Variants in WDPCP observed in about 807,000 individuals in gnomAD.
The protein encoded by WDPCP is WD repeat containing planar cell polarity effector, also known as WD repeat-containing and planar cell polarity effector protein fritz homolog.
WDPCP carries 71 observed loss-of-function variants against 93.1 expected under a neutral mutation model. The observed-to-expected ratio is 0.76, with a 90% CI of 0.63 to 0.93. The LOEUF (loss-of-function observed/expected upper bound fraction) is 0.93. Ranked by LOEUF, WDPCP falls within the 40% of genes least tolerant of loss-of-function variation. WDPCP has a pLI of 0.00. For missense variants in WDPCP, 844 were observed against 887.4 expected, an observed-to-expected ratio of 0.95 and a Z score of 0.62; for synonymous variants, 315 against 315.0, an observed-to-expected ratio of 1.00 and a Z score of 0.00.
chr2:63,460,703 T>G (rs1444693564), intron 6 of WDPCP, among the ~76,000 whole-genome samples: 1 of 152,122 alleles, frequency 6.6e-6, no homozygotes, highest in Non-Finnish European at 1.5e-5. Flanking sequence ...CTCGGCTCAC[T>G]GCAAGCTCCG....
chr2:63,692,705 T>C lies in WDPCP; in HGVS notation n.309-41867A>G, dbSNP rs188862915. Among the ~76,000 whole-genome samples the C allele has an allele frequency of 1.4e-4, 21 of 152,362 alleles. No individual in the cohort carries two copies. The East Asian group carries it at 2.7e-3, about 20-fold the overall frequency. Reference sequence around the variant, plus strand: ...TTTAAGAAGTACAAATTAAGTAATATAGAATATAAGCTTCATTCTGAAAAA... The same window carrying C: ...TTTAAGAAGTACAAATTAAGTAATACAGAATATAAGCTTCATTCTGAAAAA... On this transcript the variant is annotated intron_variant and non_coding_transcript_variant, in intron 2 of 4. Transcript: ENST00000467687.
intron 14 of WDPCP, among the ~76,000 whole-genome samples, chr2:63,207,755 C>A (rs1056309305): frequency 6.6e-6 from 1 of 152,076 alleles, no homozygotes; most frequent in Non-Finnish European, 1.5e-5. Flanking sequence ...TCTTTCATTA[C>A]TACTATAAAG....
intron 14 of WDPCP, among the ~76,000 whole-genome samples, chr2:63,251,552 CATG>C (rs907163802): frequency 1.4e-5 from 2 of 138,294 alleles, no homozygotes; most frequent in African/African-American, 5.6e-5. Flanking sequence ...AGTGCAGTGG[CATG>C]ATCTCGGCTC....
intron 2 of WDPCP, among the ~76,000 whole-genome samples, chr2:63,796,058 C>G (rs1169209268): frequency 1.3e-5 from 2 of 152,146 alleles, no homozygotes; most frequent in Non-Finnish European, 2.9e-5. Flanking sequence ...GAGAAGGCTG[C>G]TAGAAGATTT....
At chr2:63,152,356 T>G (rs1671944553) in intron 17 of WDPCP, among the ~76,000 whole-genome samples, 2 of 151,438 alleles carry the variant, frequency 1.3e-5, no homozygotes, top group African/African-American at 4.9e-5. Context: ...CTCACTGCAA[T>G]TTCTTCCTCC....
chr2:63,711,573 A>G (rs929592734), intron 2 of WDPCP: 5 of 152,456 alleles, frequency 3.3e-5, no homozygotes, highest in Non-Finnish European at 7.3e-5. Context: ...CCTGGACAAC[A>G]TAGTGAGACC....
At chr2:63,485,155 A>G (rs547104008) in intron 4 of WDPCP, among the ~76,000 whole-genome samples, 168 bp from the exon 5 acceptor site, 1 of 152,056 alleles carries the variant, frequency 6.6e-6, no homozygotes, top group African/African-American at 2.4e-5. Flanking sequence ...TGTCATAGGA[A>G]CAGGATTTTT....
At chr2:63,148,573 T>G (rs1022324568) in intron 17 of WDPCP, among the ~76,000 whole-genome samples, 3 of 151,882 alleles carry the variant, frequency 2.0e-5, no homozygotes, top group Non-Finnish European at 2.9e-5. Context: ...AGGCTGGTCT[T>G]GAATTTCTGG....
intron 12 of WDPCP, among the ~76,000 whole-genome samples, chr2:63,330,162 T>C (rs1246404981): frequency 6.6e-6 from 1 of 152,192 alleles, no homozygotes; most frequent in Non-Finnish European, 1.5e-5. Flanking sequence ...GAGAAACCTT[T>C]ATACTGTTTT....
intron 12 of WDPCP, among the ~76,000 whole-genome samples, chr2:63,356,745 T>A (rs1189478538): frequency 6.6e-6 from 1 of 152,146 alleles, no homozygotes; most frequent in Non-Finnish European, 1.5e-5. Flanking sequence ...AGATACAGCA[T>A]AACAGAATCT....
intron 3 of WDPCP, among the ~76,000 whole-genome samples, chr2:63,646,900 A>G (rs2106634588): frequency 6.6e-6 from 1 of 152,110 alleles, no homozygotes; most frequent in Middle Eastern, 3.4e-3. Flanking sequence ...TTTGGGTTAA[A>G]TCTGCTTGGT....
chr2:63,262,251 A>G (rs1032431596), intron 13 of WDPCP, among the ~76,000 whole-genome samples: 3 of 152,158 alleles, frequency 2.0e-5, no homozygotes, highest in Non-Finnish European at 2.9e-5. Flanking sequence ...AGCAAAAAAT[A>G]TGCAATACAT....
At chr2:63,836,621 T>A in the WDPCP span, among the ~76,000 whole-genome samples, 5 of 152,172 alleles carry the variant, frequency 3.3e-5, no homozygotes, top group African/African-American at 1.2e-4. Context: ...TTTATTTATG[T>A]TTTTTCCTGG....
intron 1 of WDPCP, among the ~76,000 whole-genome samples, chr2:63,819,891 A>T (rs545051337): frequency 1.3e-5 from 2 of 152,226 alleles, no homozygotes; most frequent in African/African-American, 4.8e-5. Context: ...CAGACTTCAT[A>T]TGTCGCTCAT....
At chr2:63,832,227 C>T (rs1033540589), upstream of WDPCP, among the ~76,000 whole-genome samples, 8 of 152,214 alleles carry the variant, frequency 5.3e-5, no homozygotes, top group African/African-American at 1.7e-4. Context: ...GGGGCCTCAA[C>T]TGGAAAAACT....
chr2:63,494,914 C>T (rs1198236326), intron 1 of WDPCP, among the ~76,000 whole-genome samples: 11 of 120,868 alleles, frequency 9.1e-5, no homozygotes, highest in African/African-American at 1.4e-4. Context: ...AGCGAGACTC[C>T]GTCTCAAAAA....
At chr2:63,440,760 A>G (rs537574455) in intron 6 of WDPCP, 1 of 152,760 alleles carries the variant, frequency 6.5e-6, no homozygotes, top group African/African-American at 2.4e-5. Context: ...AACATATGGT[A>G]TAAGAAGAAA....
chr2:63,325,049 C>T (rs752024080), intron 12 of WDPCP, among the ~76,000 whole-genome samples: 1 of 152,184 alleles, frequency 6.6e-6, no homozygotes, highest in East Asian at 1.9e-4. Flanking sequence ...AAGCAAGCCC[C>T]AGGCCCTAAA....
intron 17 of WDPCP, among the ~76,000 whole-genome samples, chr2:63,139,106 CATAAACACAT>C (rs1196999425): frequency 2.0e-5 from 3 of 151,986 alleles, no homozygotes; most frequent in African/African-American, 7.2e-5. Flanking sequence ...TGTATATACA[CATAAACACAT>C]ATATACACAT....
Sources: allele counts gnomAD v4.1 joint callset (sites outside exome capture counted in the v4.1 genomes callset), GRCh38; gene constraint gnomAD v4.1.1; transcripts MANE v1.5; gene names NCBI Gene and HGNC (gene_info 2026-07-23, HGNC 2026-07-21).